Variants in IL23R observed in about 807,000 individuals in gnomAD.
IL23R encodes the protein interleukin 23 receptor, also known as interleukin-23 receptor.
IL23R carries 34 observed loss-of-function variants against 56.9 expected under a neutral mutation model. That is an observed-to-expected ratio of 0.60 (90% confidence interval 0.45 to 0.80). The LOEUF is 0.80. IL23R is among the 30% of genes least tolerant of loss of function. The pLI, the probability that IL23R is intolerant of heterozygous loss-of-function variation, is 0.00. For synonymous variants in IL23R, 230 were observed against 249.2 expected (o/e 0.92, Z 0.73); for missense variants, 635 against 730.0 (o/e 0.87, Z 1.50).
chr1:67,158,197 C>G (rs1646786701), intron 1 of IL23R, among the ~76,000 whole-genome samples: 1 of 150,194 alleles, frequency 6.7e-6, no homozygotes, highest in African/African-American at 2.5e-5. Flanking sequence ...TCCTGGGCAA[C>G]AGAGCAAGAC....
intron 6 of IL23R, among the ~76,000 whole-genome samples, chr1:67,211,539 C>T (rs1290363433): frequency 6.6e-6 from 1 of 151,810 alleles, no homozygotes; most frequent in Non-Finnish European, 1.5e-5. Flanking sequence ...AAGAGAATCG[C>T]TTGAATCTGG....
chr1:67,202,383 A>G (rs989322594), intron 5 of IL23R, among the ~76,000 whole-genome samples: 4 of 151,978 alleles, frequency 2.6e-5, no homozygotes, highest in Admixed American at 6.6e-5. Flanking sequence ...TATTGCCACA[A>G]AGTTGTTCAT....
chr1:67,209,045 G>A (rs1268168840), intron 6 of IL23R, among the ~76,000 whole-genome samples: 1 of 152,124 alleles, frequency 6.6e-6, no homozygotes, highest in Non-Finnish European at 1.5e-5. Context: ...CTTTAAAGTT[G>A]CCCTGCTGGA....
intron 1 of IL23R, among the ~76,000 whole-genome samples, chr1:67,142,112 G>T (rs2102523969): frequency 6.6e-6 from 1 of 152,290 alleles, no homozygotes; most frequent in South Asian, 2.1e-4. Context: ...AGAAAAACAG[G>T]CAGTCAATTT....
chr1:67,225,197 A>G (rs1470407930), intron 7 of IL23R, among the ~76,000 whole-genome samples: 1 of 152,248 alleles, frequency 6.6e-6, no homozygotes, highest in Non-Finnish European at 1.5e-5. Flanking sequence ...AGTGTTTGTT[A>G]TGGAAATGCA....
At chr1:67,216,517 A>G (rs537573742) in intron 6 of IL23R, among the ~76,000 whole-genome samples, 5 of 152,216 alleles carry the variant, frequency 3.3e-5, no homozygotes, top group African/African-American at 9.6e-5. Context: ...TTTGCAGAAC[A>G]TAAGATTTCT....
chr1:67,176,352 G>A (rs1332461358), intron 3 of IL23R, among the ~76,000 whole-genome samples: 1 of 152,142 alleles, frequency 6.6e-6, no homozygotes, highest in Non-Finnish European at 1.5e-5. Flanking sequence ...AGTAGGGATG[G>A]AATGAGGAGC....
At chr1:67,181,563 T>C (rs1647142652) in intron 3 of IL23R, among the ~76,000 whole-genome samples, 2 of 152,208 alleles carry the variant, frequency 1.3e-5, no homozygotes, top group African/African-American at 4.8e-5. Flanking sequence ...TTTAACTTCT[T>C]TGCCATGGGT....
intron 9 of IL23R, among the ~76,000 whole-genome samples, chr1:67,247,437 T>G (rs549925320): frequency 3.7e-4 from 56 of 152,196 alleles, no homozygotes; most frequent in African/African-American, 9.4e-4. Flanking sequence ...CCCTAGTAGC[T>G]GGGATTACAG....
intron 6 of IL23R, among the ~76,000 whole-genome samples, chr1:67,212,411 C>T (rs986463634): frequency 6.6e-6 from 1 of 152,176 alleles, no homozygotes; most frequent in Non-Finnish European, 1.5e-5. Flanking sequence ...ACTTTAGCTC[C>T]GTGGTGGCAT....
intron 1 of IL23R, among the ~76,000 whole-genome samples, chr1:67,158,458 G>C (rs894554922): frequency 1.3e-5 from 2 of 152,098 alleles, no homozygotes; most frequent in African/African-American, 2.4e-5. Context: ...AGGTAGTTTT[G>C]AACTTATATT....
chr1:67,154,907 G>T (rs948546035), intron 1 of IL23R, among the ~76,000 whole-genome samples: 1 of 152,168 alleles, frequency 6.6e-6, no homozygotes, highest in South Asian at 2.1e-4. Context: ...ATTTTGGCAT[G>T]TTTTTGTAGT....
At chr1:67,223,519 A>G (rs1004868942) in intron 7 of IL23R, among the ~76,000 whole-genome samples, 2 of 152,228 alleles carry the variant, frequency 1.3e-5, no homozygotes, top group Non-Finnish European at 1.5e-5. Context: ...AAAGTGTGTT[A>G]GGGAAAGTGC....
chr1:67,221,342 A>G (rs1267770340), intron 7 of IL23R, among the ~76,000 whole-genome samples: 1 of 152,166 alleles, frequency 6.6e-6, no homozygotes, highest in Non-Finnish European at 1.5e-5. Flanking sequence ...TTAAGAACAT[A>G]TTCTCCTAAA....
chr1:67,172,303 C>A (rs749362215), intron 3 of IL23R, among the ~76,000 whole-genome samples: 2 of 152,102 alleles, frequency 1.3e-5, no homozygotes, highest in Non-Finnish European at 2.9e-5. Context: ...CTGCTTTGAA[C>A]AAAATGATTA....
upstream of IL23R, among the ~76,000 whole-genome samples, chr1:67,166,172 A>G (rs1646871769): frequency 1.3e-5 from 2 of 152,250 alleles, no homozygotes; most frequent in Admixed American, 6.5e-5. Context: ...ATTAAAACTA[A>G]GCGTCATATT....
intron 4 of IL23R, among the ~76,000 whole-genome samples, chr1:67,199,741 AG>A (rs1398347682): frequency 1.3e-5 from 2 of 152,092 alleles, no homozygotes; most frequent in African/African-American, 4.8e-5. Flanking sequence ...GGGTCCATGA[AG>A]GCAGAAGTGT....
downstream of IL23R, among the ~76,000 whole-genome samples, chr1:67,263,857 C>T (rs1394992986): frequency 8.4e-6 from 1 of 118,914 alleles, no homozygotes; most frequent in Non-Finnish European, 1.8e-5. Flanking sequence ...GAGCGAGACT[C>T]CATCGCAAAA....
At chr1:67,163,043 T>A (rs1383611899), upstream of IL23R, among the ~76,000 whole-genome samples, 1 of 152,198 alleles carries the variant, frequency 6.6e-6, no homozygotes, top group Non-Finnish European at 1.5e-5. Flanking sequence ...CAACATTGGC[T>A]TTTAATGCAC....
Sources: gnomAD v4.1 joint callset for allele counts (sites outside exome capture counted in the v4.1 genomes callset) on GRCh38, gnomAD v4.1.1 for gene constraint, MANE v1.5 for transcripts, NCBI Gene and HGNC (gene_info 2026-07-23, HGNC 2026-07-21) for gene names.